The following DHRS7 variants were observed in gnomAD, a reference collection of about 807,000 sequenced individuals.
DHRS7 encodes dehydrogenase/reductase 7, also known as dehydrogenase/reductase SDR family member 7.
Under a neutral mutation model 38.9 loss-of-function variants are expected in DHRS7, and 34 were observed. The ratio of observed to expected loss-of-function variants is 0.87; its 90% CI spans 0.66 to 1.16. The LOEUF is 1.16. Ranked by LOEUF, DHRS7 falls within the 50% of genes most tolerant of loss-of-function variation. The pLI, the probability that DHRS7 is intolerant of heterozygous loss-of-function variation, is 0.00. For synonymous variants in DHRS7, 158 were observed against 153.1 expected (o/e 1.03, Z -0.24); for missense variants, 421 against 407.0 (o/e 1.03, Z -0.30).
intron 1 of DHRS7, among the ~76,000 whole-genome samples, chr14:60,163,162 T>G (rs1896796931): frequency 6.6e-6 from 1 of 151,130 alleles, no homozygotes; most frequent in South Asian, 2.1e-4. Context: ...AGAGCGAGAC[T>G]CTGTCTCAAA....
intron 1 of DHRS7, chr14:60,158,850 A>C (rs979591636): frequency 6.3e-6 from 1 of 158,128 alleles, no homozygotes; most frequent in Non-Finnish European, 1.4e-5. Context: ...GGGAAAGTCT[A>C]ATCATTCCAG....
chr14:60,150,093 T>C lies in DHRS7; in HGVS notation c.728A>G (p.Glu243Gly). ...TGTGACTTCTCCAGCTAGGGAATTC[T>C]CCACAATATTTGATTGCACAGGTCC... Reference protein sequence around the residue: ...CPGPVQSNIVENSLAGEVTKT... With the variant: ...CPGPVQSNIVGNSLAGEVTKT... Residue 243 changes from glutamate to glycine, a missense_variant, in exon 5 of 7, where the codon GAG (glutamate) becomes GGG (glycine). Physicochemically the swap from Glu to Gly is moderately conservative, Grantham distance 98. Coordinates refer to ENST00000557185, the MANE Select transcript of DHRS7 (RefSeq NM_016029.4). 6.2e-7 allele frequency: 1 copy of C among 1,604,872 alleles called. No individual in the cohort carries two copies. Among genetic ancestry groups the C allele is most frequent in the Non-Finnish European group, 8.5e-7 (1 of 1,177,834 alleles).
rs140971694 is a variant in DHRS7 at position 60,155,908 on chromosome 14, A to T, written c.286+92T>A. On this transcript the variant is annotated intron_variant, in intron 2 of 6. Coordinates refer to ENST00000557185, the MANE Select transcript of DHRS7 (RefSeq NM_016029.4). ...TGTAGAACATTTGGAGCCGGGGGGA[A>T]ATCTCACTCCTCTCTAAAAGTCCCA... is the stretch of plus-strand genomic sequence containing the variant. 3.5e-4 allele frequency: 437 copies of T among 1,262,672 alleles called. 2 individuals carry two copies. In the African/African-American group the frequency reaches 4.8e-3, roughly 14 times the overall value. 78.2% of individuals were successfully genotyped at this position (1,262,672 alleles called of 1,614,324 possible). A position where few individuals can be genotyped will look rare whatever the true frequency, so the allele number is the denominator to read the frequency against.
intron 1 of DHRS7, among the ~76,000 whole-genome samples, chr14:60,160,053 C>G (rs1001522348): frequency 6.6e-6 from 1 of 152,164 alleles, no homozygotes; most frequent in Non-Finnish European, 1.5e-5. Flanking sequence ...TGGCCAGGTA[C>G]AGTGGCTCAC....
In DHRS7 at chr14:60,145,124, G is replaced by C. The variant is rs1025719125; in HGVS notation, c.973-111C>G. The C allele has an allele frequency of 1.4e-6, 1 of 732,194 alleles. No homozygotes were observed. Among genetic ancestry groups the C allele is most frequent in the African/African-American group, 1.8e-5 (1 of 54,206 alleles). The allele number at this position is 732,194 out of a possible 1,614,324, so 45.4% of individuals were successfully genotyped here. A position where few individuals can be genotyped will look rare whatever the true frequency, so the allele number is the denominator to read the frequency against. On this transcript the variant is annotated intron_variant, in intron 6 of 6. Transcript: ENST00000557185. The surrounding 1 kb of genome is among the most constrained non-coding windows in gnomAD (Gnocchi z 4.0). ...CTGTATCATTATGATTCACTATTAAGAATCTTTACAAAAGTTCAGAAACTG... is the reference window on the plus strand; with the variant it reads ...CTGTATCATTATGATTCACTATTAACAATCTTTACAAAAGTTCAGAAACTG...
rs200906503 is a variant in DHRS7, at chr14:60,150,084, A to G, written c.737T>C (p.Leu246Pro). The G allele has an allele frequency of 5.0e-6, 8 of 1,597,782 alleles. No homozygotes were observed. The Admixed American group carries it at 1.5e-4, about 29-fold the overall frequency. ...PVQSNIVENS[L>P]AGEVTKTIGN... ...TTTTACCTTTGTGACTTCTCCAGCT[A>G]GGGAATTCTCCACAATATTTGATTG... The change falls in exon 5 of 7, where the codon CTA (leucine) becomes CCA (proline). Residue 246 changes from leucine (L) to proline (P), a missense_variant. Coordinates refer to ENST00000557185, the MANE Select transcript of DHRS7 (RefSeq NM_016029.4).
At chr14:60,160,694 C>A (rs1402306906) in intron 1 of DHRS7, among the ~76,000 whole-genome samples, 2 of 152,116 alleles carry the variant, frequency 1.3e-5, no homozygotes, top group African/African-American at 2.4e-5. Context: ...AGCCAACCTC[C>A]CACCTCAGCC....
chr14:60,157,843 A>G (rs999900229), intron 1 of DHRS7, among the ~76,000 whole-genome samples: 1 of 152,214 alleles, frequency 6.6e-6, no homozygotes, highest in African/African-American at 2.4e-5. Context: ...ATTTCATGAT[A>G]TACACATTTA....
Position 60,165,229 on chromosome 14 carries a change from C to G in DHRS7, c.81G>C (p.Arg27Ser). The G allele has an allele frequency of 6.2e-7, 1 of 1,611,726 alleles. No individual in the cohort carries two copies. The part of the protein sequence containing the change: ...LLLVQLLRFL[R>S]ADGDLTLLWA... ...ATAGTAGCGTCAGGTCGCCGTCAGC[C>G]CTCAGGAAGCGCAGCAGCTGCACCA... The change falls in exon 1 of 7, where the codon AGG (arginine) becomes AGC (serine). Residue 27 changes from arginine to serine, a missense_variant. Arg to Ser is a moderately radical substitution (Grantham distance 110). Transcript: ENST00000557185. The surrounding 1 kb of genome is among the most constrained non-coding windows in gnomAD (Gnocchi z 4.6).
At chr14:60,155,083 T>TTTAGGTAC (rs1316537879) in intron 2 of DHRS7, among the ~76,000 whole-genome samples, 2 of 152,030 alleles carry the variant, frequency 1.3e-5, no homozygotes, top group Non-Finnish European at 2.9e-5. Flanking sequence ...AAATTCAAAA[T>TTTAGGTAC]TATCTCAGTT....
At chr14:60,156,189 C>G in intron 1 of DHRS7, 37 bp from the exon 2 acceptor site, 1 of 1,461,438 alleles carries the variant, frequency 6.8e-7, no homozygotes, top group Non-Finnish European at 9.1e-7. Flanking sequence ...AGAAAATAAG[C>G]AATGAATTAC....
chr14:60,159,230 C>A, intron 1 of DHRS7: 1 of 374,494 alleles, frequency 2.7e-6, no homozygotes, highest in Non-Finnish European at 5.3e-6. Flanking sequence ...AAATCTCAAG[C>A]TAAAATCAGA....
At chr14:60,158,589 C>T (rs1194017194) in intron 1 of DHRS7, among the ~76,000 whole-genome samples, 1 of 152,196 alleles carries the variant, frequency 6.6e-6, no homozygotes, top group Non-Finnish European at 1.5e-5. Flanking sequence ...AATCACAATT[C>T]TGGCCTCTTC....
intron 1 of DHRS7, among the ~76,000 whole-genome samples, chr14:60,159,624 T>C (rs1415540724): frequency 6.6e-6 from 1 of 151,370 alleles, no homozygotes; most frequent in East Asian, 1.9e-4. Flanking sequence ...GCCCTGTCTT[T>C]TATTATAGGC....
In DHRS7 at chr14:60,161,236, T is replaced by A. The variant is rs1896759483; in HGVS notation, c.133+3941A>T. ...TATAATAGGAAAAGGGATCCACTAA[T>A]ATAGCTTATGGTTATTAGAGCTGGG... On this transcript the variant is annotated intron_variant, in intron 1 of 6. Coordinates refer to ENST00000557185, the MANE Select transcript of DHRS7 (RefSeq NM_016029.4). This position sits in a 1 kb window ranked among gnomAD's most constrained non-coding sequence, Gnocchi z 4.2. 6.6e-6 allele frequency among the ~76,000 whole-genome samples: 1 copy of A among 152,218 alleles called. No individual in the cohort carries two copies. The highest frequency in any genetic ancestry group is 2.1e-4 in the South Asian group (1 of 4,834).
chr14:60,156,275 A>G, intron 1 of DHRS7, 123 bp from the exon 2 acceptor site: 2 of 796,054 alleles, frequency 2.5e-6, no homozygotes, highest in South Asian at 4.4e-5. Context: ...TGATGTATAG[A>G]GTTAAAATTT....
upstream of DHRS7, chr14:60,168,908 A>G: frequency 1.2e-6 from 1 of 863,152 alleles, no homozygotes; most frequent in Non-Finnish European, 1.6e-6. Context: ...TGGTTAGTCT[A>G]ACTAACCCAT....
intron 2 of DHRS7, among the ~76,000 whole-genome samples, chr14:60,154,553 C>A (rs1167447337): frequency 1.3e-5 from 2 of 152,116 alleles, no homozygotes; most frequent in Non-Finnish European, 2.9e-5. Context: ...AGGACACATG[C>A]CTGAAATTCC....
At position 60,144,955 on chromosome 14, in the gene DHRS7, A is replaced by G. The variant is rs779691850; in HGVS notation, c.*11T>C. On this transcript the variant is annotated 3_prime_UTR_variant, in exon 7 of 7. Coordinates refer to ENST00000557185, the MANE Select transcript of DHRS7 (RefSeq NM_016029.4). ...CTCCCTCCAGTGGCTTGAAAAGTAC[A>G]GGTGCTCTTTTCAGTCATGTTTTGT... 3 of 1,603,434 alleles carry G rather than the reference A, an allele frequency of 1.9e-6. No individual in the cohort carries two copies. In the South Asian group the frequency reaches 3.3e-5, roughly 18 times the overall value.
Sources: gnomAD v4.1 joint callset for allele counts (sites outside exome capture counted in the v4.1 genomes callset) on GRCh38, gnomAD v4.1.1 for gene constraint, Gnocchi (gnomAD v3.1) non-coding constraint, MANE v1.5 for transcripts, NCBI Gene and HGNC (gene_info 2026-07-23, HGNC 2026-07-21) for gene names.